PDE5A: variants seen among roughly 807,000 people sequenced by gnomAD.
The protein encoded by PDE5A is phosphodiesterase 5A.
Under a neutral mutation model 110.2 loss-of-function variants are expected in PDE5A, and 67 were observed. The ratio of observed to expected loss-of-function variants is 0.61; its 90% CI spans 0.50 to 0.75. The LOEUF (loss-of-function observed/expected upper bound fraction) is 0.75, where lower values mean the gene tolerates loss of function less well. Among genes scored for constraint, PDE5A ranks in the 30% least tolerant of loss-of-function variants. The pLI is 0.00. For missense variants in PDE5A, 862 were observed against 1,045.1 expected, an observed-to-expected ratio of 0.82 and a Z score of 2.42; for synonymous variants, 328 against 351.2, an observed-to-expected ratio of 0.93 and a Z score of 0.74.
chr4:119,529,246 A>T (rs1560603458), intron 11 of PDE5A, among the ~76,000 whole-genome samples: 1 of 152,076 alleles, frequency 6.6e-6, no homozygotes, highest in African/African-American at 2.4e-5. Context: ...CTCTGCCTAG[A>T]ATGCATATTC....
chr4:119,510,206 A>G (rs1209882383), intron 15 of PDE5A, among the ~76,000 whole-genome samples: 1 of 152,016 alleles, frequency 6.6e-6, no homozygotes, highest in African/African-American at 2.4e-5. Context: ...ACTCTATACT[A>G]TATGTTGGAA....
chr4:119,509,453 G>A (rs1725666419), intron 15 of PDE5A, among the ~76,000 whole-genome samples: 1 of 151,974 alleles, frequency 6.6e-6, no homozygotes, highest in African/African-American at 2.4e-5. Context: ...CCAAAGCGAG[G>A]GAGAGAGCCT....
chr4:119,581,986 TG>T (rs1728603437), intron 3 of PDE5A, among the ~76,000 whole-genome samples: 1 of 152,230 alleles, frequency 6.6e-6, no homozygotes, highest in African/African-American at 2.4e-5. Flanking sequence ...GGCTGCCGAA[TG>T]ATCAGGGTGG....
At chr4:119,535,146 T>C (rs1726686014) in intron 11 of PDE5A, among the ~76,000 whole-genome samples, 1 of 152,122 alleles carries the variant, frequency 6.6e-6, no homozygotes. Flanking sequence ...AAGAGCAGGC[T>C]AGGGGACCAG....
chr4:119,610,296 T>C (rs779953760), intron 1 of PDE5A, among the ~76,000 whole-genome samples: 10 of 152,102 alleles, frequency 6.6e-5, no homozygotes, highest in Non-Finnish European at 1.5e-4. Flanking sequence ...CTGCCAACAG[T>C]GCATAGGAAG....
At chr4:119,518,924 A>C in intron 14 of PDE5A, 121 bp downstream of exon 14, 1 of 621,060 alleles carries the variant, frequency 1.6e-6, no homozygotes, top group South Asian at 2.3e-5. Context: ...CATTTCCTTT[A>C]AATATAACCA....
At chr4:119,513,861 T>G (rs1725825739) in intron 14 of PDE5A, among the ~76,000 whole-genome samples, 1 of 152,198 alleles carries the variant, frequency 6.6e-6, no homozygotes, top group Non-Finnish European at 1.5e-5. Context: ...TAGAGAAAAT[T>G]CTTGGCTTGA....
At chr4:119,515,066 G>A (rs1035752103) in intron 14 of PDE5A, among the ~76,000 whole-genome samples, 13 of 152,110 alleles carry the variant, frequency 8.5e-5, no homozygotes, top group African/African-American at 3.1e-4. Context: ...GTGCAAAAAC[G>A]TTTCAAATGG....
At chr4:119,560,437 G>T in intron 6 of PDE5A, 74 bp from the exon 7 acceptor site, 1 of 869,576 alleles carries the variant, frequency 1.1e-6, no homozygotes, top group Non-Finnish European at 1.7e-6. Context: ...AGACATACAT[G>T]CTATGGAATT....
At chr4:119,550,319 G>C (rs1455022648) in intron 9 of PDE5A, 2 of 152,168 alleles carry the variant, frequency 1.3e-5, no homozygotes, top group Non-Finnish European at 1.5e-5. Flanking sequence ...GATACAAAAT[G>C]TATGCCAAGA....
chr4:119,537,750 G>C (rs1726778996), intron 11 of PDE5A, among the ~76,000 whole-genome samples: 1 of 151,614 alleles, frequency 6.6e-6, no homozygotes, highest in African/African-American at 2.4e-5. Flanking sequence ...ATGTTCACTT[G>C]GTTGTTCAAC....
At chr4:119,563,869 T>C (rs1727828611) in intron 5 of PDE5A, among the ~76,000 whole-genome samples, 1 of 151,986 alleles carries the variant, frequency 6.6e-6, no homozygotes, top group African/African-American at 2.4e-5. Flanking sequence ...TTAAAGTCAA[T>C]GGAAGGTCCC....
intron 19 of PDE5A, among the ~76,000 whole-genome samples, chr4:119,502,231 T>G (rs1425953747): frequency 6.6e-6 from 1 of 152,090 alleles, no homozygotes; most frequent in East Asian, 1.9e-4. Context: ...ACACTGCAAA[T>G]ATTACACCAA....
chr4:119,563,713 A>G (rs1267066882), intron 5 of PDE5A, among the ~76,000 whole-genome samples: 1 of 152,170 alleles, frequency 6.6e-6, no homozygotes, highest in Non-Finnish European at 1.5e-5. Flanking sequence ...CGTTAAGTAG[A>G]AAAAGAACCT....
chr4:119,587,992 G>A (rs183764167), intron 3 of PDE5A, among the ~76,000 whole-genome samples: 37 of 152,224 alleles, frequency 2.4e-4, no homozygotes, highest in Admixed American at 2.4e-3. Flanking sequence ...CCTCTCTTGA[G>A]GCTGTGAGAT....
Position 119,627,295 on chromosome 4 carries a change from C to A in PDE5A, c.152+1225G>T, listed in dbSNP as rs1730388533. 7.0e-7 allele frequency: 1 copy of A among 1,437,012 alleles called. No homozygotes were observed. Among genetic ancestry groups the A allele is most frequent in the Non-Finnish European group, 9.2e-7 (1 of 1,082,932 alleles). The allele number at this position is 1,437,012 out of a possible 1,614,324, so 89.0% of individuals were successfully genotyped here. On this transcript the variant is annotated intron_variant, in intron 1 of 20. Coordinates refer to ENST00000354960, the MANE Select transcript of PDE5A (RefSeq NM_001083.4). The surrounding 1 kb of genome is among the most constrained non-coding windows in gnomAD (Gnocchi z 4.6). ...GTCGGCGACTCAGAACCAGCTCCCTCACGGCCCCGGCCTCCGCGCCGCCGC... is the reference window on the plus strand; with the variant it reads ...GTCGGCGACTCAGAACCAGCTCCCTAACGGCCCCGGCCTCCGCGCCGCCGC...
At chr4:119,588,326 A>C (rs1162402281) in intron 3 of PDE5A, among the ~76,000 whole-genome samples, 1 of 151,812 alleles carries the variant, frequency 6.6e-6, no homozygotes, top group Non-Finnish European at 1.5e-5. Flanking sequence ...TTGCAGGCGC[A>C]TGCCACACAC....
At chr4:119,585,352 C>G (rs1280689683) in intron 3 of PDE5A, among the ~76,000 whole-genome samples, 1 of 150,954 alleles carries the variant, frequency 6.6e-6, no homozygotes, top group South Asian at 2.1e-4. Flanking sequence ...TCTCTTTTTT[C>G]CTTAGTGTTC....
In PDE5A at chr4:119,504,552, C is replaced by T; in HGVS notation, c.2315G>A (p.Trp772Ter). 6.2e-7 allele frequency: 1 copy of T among 1,611,788 alleles called. No individual in the cohort carries two copies. Among genetic ancestry groups the T allele is most frequent in the Non-Finnish European group, 8.5e-7 (1 of 1,178,674 alleles). ...ACDLSAITKP[W>*]PIQQRIAELV... is the part of the protein sequence containing the mutation. ...GTAACATACCCGTTGTTGAATAGGC[C>T]AGGGTTTTGTAATTGCAGAAAGATC... is the stretch of plus-strand genomic sequence containing the variant. The change falls in exon 18 of 21, where the codon TGG becomes TAG. Residue 772 changes from tryptophan to a stop codon, truncating the protein, a stop_gained. Transcript: ENST00000354960. LOFTEE classifies it high-confidence loss of function.
Sources: allele counts gnomAD v4.1 joint callset (sites outside exome capture counted in the v4.1 genomes callset), GRCh38; gene constraint gnomAD v4.1.1; non-coding constraint Gnocchi (gnomAD v3.1); transcripts MANE v1.5; gene names NCBI Gene and HGNC (gene_info 2026-07-23, HGNC 2026-07-21).